Variants in HK1 observed in about 807,000 individuals in gnomAD.
The protein encoded by HK1 is hexokinase-1.
HK1 carries 28 observed loss-of-function variants against 91.6 expected under a neutral mutation model. The ratio of observed to expected loss-of-function variants is 0.31; its 90% CI spans 0.23 to 0.42. HK1 has a LOEUF of 0.42. HK1 is among the 10% of genes least tolerant of loss of function. The pLI is 1.00. For synonymous variants in HK1, 430 were observed against 468.1 expected, an observed-to-expected ratio of 0.92 and a Z score of 1.05; for missense variants, 770 against 1,219.8, an observed-to-expected ratio of 0.63 and a Z score of 5.49.
chr10:69,322,396 A>G (rs115308029), intron 1 of HK1, among the ~76,000 whole-genome samples: 2,141 of 152,264 alleles, frequency 0.014, 51 homozygotes, highest in African/African-American at 0.049. Context: ...TTGGAACCCC[A>G]TTATCCAGAC....
In HK1 at chr10:69,359,875, T is replaced by C. The variant is rs148571547; in HGVS notation, c.227-22T>C. Reference sequence around the variant, plus strand: ...CCCTTAACATTTGAATCTCATGTGATACCTGTTGTCTCCCTAAACAGAAAA... The same window carrying C: ...CCCTTAACATTTGAATCTCATGTGACACCTGTTGTCTCCCTAAACAGAAAA... On this transcript the variant is annotated intron_variant, in intron 2 of 17. Transcript: ENST00000359426. The C allele has an allele frequency of 1.9e-4, 304 of 1,613,010 alleles. 1 individual carries two copies. The African/African-American group carries it at 3.6e-3, about 19-fold the overall frequency.
At chr10:69,325,429 C>T (rs1480742672) in intron 1 of HK1, among the ~76,000 whole-genome samples, 1 of 151,678 alleles carries the variant, frequency 6.6e-6, no homozygotes, top group East Asian at 1.9e-4. Flanking sequence ...GTGATCTCGG[C>T]TCATTGCAAC....
chr10:69,300,748 G>C (rs1432412150), intron 4 of HK1: 5 of 1,379,622 alleles, frequency 3.6e-6, no homozygotes, highest in Non-Finnish European at 5.2e-6. Context: ...CTAAGAACCT[G>C]GTGTTTGTCT....
intron 15 of HK1, among the ~76,000 whole-genome samples, chr10:69,392,593 T>C (rs1477420556): frequency 6.6e-6 from 1 of 152,138 alleles, no homozygotes; most frequent in East Asian, 1.9e-4. Context: ...CCCCTTGCTG[T>C]GTTCCTTTCC....
chr10:69,395,029 C>T lies in HK1; in HGVS notation c.2299C>T (p.Leu767Phe). ...AATCGACTTCACCAAGAAGGGATTC[C>T]TCTTCCGAGGGCAGATCTCTGAGAC... ...ILIDFTKKGF[L>F]FRGQISETLK... Residue 767 changes from leucine to phenylalanine, a missense_variant, in exon 16 of 18, where the codon CTC (leucine) becomes TTC (phenylalanine). Physicochemically the swap from Leu to Phe is conservative, Grantham distance 22 (BLOSUM62 0). Transcript: ENST00000359426. 6.2e-7 allele frequency: 1 copy of T among 1,614,044 alleles called. No homozygotes were observed. The highest frequency in any genetic ancestry group is 8.5e-7 in the Non-Finnish European group (1 of 1,179,940).
chr10:69,392,232 A>T lies in HK1; in HGVS notation c.2143A>T (p.Asn715Tyr). ...CATGGAGTGGGGGGCCTTTGGGGAC[A>T]ACGGGTGTCTGGATGATATCAGGAC... is the stretch of plus-strand genomic sequence containing the variant. The part of the protein sequence containing the change: ...INMEWGAFGD[N>Y]GCLDDIRTHY... Residue 715 changes from asparagine to tyrosine, a missense_variant, in exon 15 of 18, where the codon AAC becomes TAC. Around this residue, in one of 7 missense-constraint regions of HK1, gnomAD observed 152 missense variants for 211.1 expected, o/e 0.72. Coordinates refer to ENST00000359426, the MANE Select transcript of HK1 (RefSeq NM_000188.3). 6.2e-7 allele frequency: 1 copy of T among 1,614,208 alleles called. No individual in the cohort carries two copies. Among genetic ancestry groups the T allele is most frequent in the Non-Finnish European group, 8.5e-7 (1 of 1,180,046 alleles).
chr10:69,271,989 G>A (rs939510012), intron 1 of HK1, among the ~76,000 whole-genome samples: 2 of 151,892 alleles, frequency 1.3e-5, no homozygotes, highest in Non-Finnish European at 2.9e-5. Flanking sequence ...TCAGCCTCCC[G>A]AGTAGCTGGG....
At position 69,380,705 on chromosome 10, in the gene HK1, G is replaced by A. The variant is rs993566495; in HGVS notation, c.1265+610G>A. Among the ~76,000 whole-genome samples the A allele has an allele frequency of 2.0e-5, 3 of 152,168 alleles. No homozygotes were observed. The highest frequency in any genetic ancestry group is 4.4e-5 in the Non-Finnish European group (3 of 68,036). ...GTCCCCATTGGCAAGGAGGTGCTTT[G>A]TTCCCCACACAGCCTTCTGGTCTGT... is the stretch of plus-strand genomic sequence containing the variant. On this transcript the variant is annotated intron_variant, in intron 9 of 17. Transcript: ENST00000359426. This position sits in a 1 kb window ranked among gnomAD's most constrained non-coding sequence, Gnocchi z 4.0.
At chr10:69,351,995 A>ATTT (rs201899030) in intron 2 of HK1, among the ~76,000 whole-genome samples, 1 of 145,708 alleles carries the variant, frequency 6.9e-6, no homozygotes, top group Non-Finnish European at 1.5e-5. Context: ...AGTTATTTCA[A>ATTT]TTTTTTTTTT....
intron 1 of HK1, among the ~76,000 whole-genome samples, chr10:69,281,749 T>G (rs1409075835): frequency 6.6e-6 from 1 of 152,100 alleles, no homozygotes; most frequent in East Asian, 1.9e-4. Flanking sequence ...GAGTCACCCT[T>G]AGGATTGTGC....
chr10:69,315,870 A>C, upstream of HK1: 1 of 1,392,558 alleles, frequency 7.2e-7, no homozygotes, highest in South Asian at 1.2e-5. Context: ...TCAAAACTCT[A>C]CCACAACCTG....
intron 14 of HK1, among the ~76,000 whole-genome samples, chr10:69,390,667 G>A (rs1839857883): frequency 6.6e-6 from 1 of 152,218 alleles, no homozygotes; most frequent in African/African-American, 2.4e-5. Context: ...CAGGGGGTGT[G>A]TCTTGTGCCC....
upstream of HK1, chr10:69,317,935 C>G: frequency 1.9e-6 from 1 of 515,694 alleles, no homozygotes; most frequent in Non-Finnish European, 2.5e-6. Context: ...TCCCATCCTA[C>G]GTAACTTCCT....
chr10:69,344,759 G>A (rs75306805), intron 2 of HK1, among the ~76,000 whole-genome samples: 2 of 152,148 alleles, frequency 1.3e-5, no homozygotes, highest in African/African-American at 4.8e-5. Context: ...TGTTCTTCCC[G>A]GCAGACCCGC....
intron 1 of HK1, among the ~76,000 whole-genome samples, chr10:69,280,193 G>A (rs561154575): frequency 5.3e-5 from 8 of 151,954 alleles, no homozygotes; most frequent in Non-Finnish European, 7.4e-5. Context: ...CTCACTGTAA[G>A]CTCCGCCTCC....
At position 69,369,490 on chromosome 10, in the gene HK1, G is replaced by A; in HGVS notation, c.741G>A (p.Leu247=). The change falls in exon 7 of 18, where the codon CTG becomes CTA. Residue 247 remains leucine (L), a synonymous_variant. Coordinates refer to ENST00000359426, the MANE Select transcript of HK1 (RefSeq NM_000188.3). The surrounding 1 kb of genome is among the most constrained non-coding windows in gnomAD (Gnocchi z 4.4). The part of the protein sequence containing the change: ...CYMEELRHID[L]VEGDEGRMCI... ...TGGAGGAACTGAGGCACATTGATCTGGTGGAAGGAGACGAGGGGAGGATGT... is the reference window on the plus strand; with the variant it reads ...TGGAGGAACTGAGGCACATTGATCTAGTGGAAGGAGACGAGGGGAGGATGT... The A allele has an allele frequency of 6.2e-7, 1 of 1,614,216 alleles. No individual in the cohort carries two copies.
chr10:69,318,836 GGGAGGA>G (rs559346976), upstream of HK1: 25 of 1,458,662 alleles, frequency 1.7e-5, no homozygotes, highest in African/African-American at 4.5e-5. Context: ...GAGGAGCCGG[GGGAGGA>G]GGAGGAGGAG....
In HK1 at chr10:69,382,629, A is replaced by G. The variant is rs139936974; in HGVS notation, c.1408A>G (p.Ile470Val). 6.2e-7 allele frequency: 1 copy of G among 1,614,064 alleles called. No individual in the cohort carries two copies. Among genetic ancestry groups the G allele is most frequent in the African/African-American group, 1.3e-5 (1 of 74,930 alleles). Residue 470 changes from isoleucine (I) to valine (V), a missense_variant, in exon 10 of 18, where the codon ATA (isoleucine) becomes GTA (valine). By Grantham distance (29) the Ile-to-Val change is conservative. This residue lies in a region of HK1 where 449 missense variants were observed against 665.1 expected (regional missense o/e 0.68). Coordinates refer to ENST00000359426, the MANE Select transcript of HK1 (RefSeq NM_000188.3). ...AYRLAEQHRQ[I>V]EETLAHFHLT... is the part of the protein sequence containing the mutation. ...CCGCTTGGCCGAGCAGCACCGGCAGATAGAGGAGACCCTGGCTCATTTCCA... is the reference window on the plus strand; with the variant it reads ...CCGCTTGGCCGAGCAGCACCGGCAGGTAGAGGAGACCCTGGCTCATTTCCA...
At chr10:69,315,417 C>T (rs188373440), upstream of HK1, among the ~76,000 whole-genome samples, 2 of 152,190 alleles carry the variant, frequency 1.3e-5, no homozygotes, top group African/African-American at 4.8e-5. Flanking sequence ...TCACTCCAAC[C>T]CCAACTTGTG....
Sources: allele counts gnomAD v4.1 joint callset (sites outside exome capture counted in the v4.1 genomes callset), GRCh38; gene constraint gnomAD v4.1.1; regional missense constraint gnomAD v4.1.1; non-coding constraint Gnocchi (gnomAD v3.1); transcripts MANE v1.5; gene names NCBI Gene and HGNC (gene_info 2026-07-23, HGNC 2026-07-21).